SPEG: variants seen among roughly 807,000 people sequenced by gnomAD.
SPEG encodes striated muscle preferentially expressed protein kinase.
Under a neutral mutation model 300.4 loss-of-function variants are expected in SPEG, and 114 were observed. The ratio of observed to expected loss-of-function variants is 0.38; its 90% CI spans 0.33 to 0.44. The LOEUF is 0.44. Ranked by LOEUF, SPEG falls within the 20% of genes least tolerant of loss-of-function variation. The pLI is 1.00. For missense variants in SPEG, 4,201 were observed against 4,586.2 expected (o/e 0.92, Z 2.43); for synonymous variants, 1,964 against 2,018.9 (o/e 0.97, Z 0.73).
At chr2:219,441,321 A>T (rs1319531001) in intron 1 of SPEG, among the ~76,000 whole-genome samples, 1 of 152,136 alleles carries the variant, frequency 6.6e-6, no homozygotes, top group Non-Finnish European at 1.5e-5. Context: ...GTACGGGGGT[A>T]GGGGGCCGCG....
chr2:219,489,599 A>C lies in SPEG; in HGVS notation c.8581A>C (p.Thr2861Pro). ...GCAGGCTGCCCGGCCAGCGGAGCCCACCCTACCCAGTACCCACGTCACCCC... is the reference window on the plus strand; with the variant it reads ...GCAGGCTGCCCGGCCAGCGGAGCCCCCCCTACCCAGTACCCACGTCACCCC... ...GLQAARPAEP[T>P]LPSTHVTPSE... Residue 2861 changes from threonine to proline, a missense_variant, in exon 36 of 41, where the codon ACC (threonine) becomes CCC (proline). This residue lies in a region of SPEG where 1,578 missense variants were observed against 1,506.0 expected (regional missense o/e 1.05). Transcript: ENST00000312358. The C allele has an allele frequency of 6.2e-7, 1 of 1,613,354 alleles. No homozygotes were observed. The highest frequency in any genetic ancestry group is 8.5e-7 in the Non-Finnish European group (1 of 1,179,892).
Position 219,449,211 on chromosome 2 carries a change from C to G in SPEG, c.2053C>G (p.Arg685Gly), listed in dbSNP as rs767316023. 2.7e-4 allele frequency: 376 copies of G among 1,392,218 alleles called. 4 individuals are homozygous for G. The highest frequency in any genetic ancestry group is 4.9e-4 in the Middle Eastern group (2 of 4,060). 86.2% of individuals were successfully genotyped at this position (1,392,218 alleles called of 1,614,324 possible). A position where few individuals can be genotyped will look rare whatever the true frequency, so the allele number is the denominator to read the frequency against. Residue 685 changes from arginine to glycine, a missense_variant, in exon 4 of 41, where the codon CGC becomes GGC. By Grantham distance (125) the Arg-to-Gly change is moderately radical. Coordinates refer to ENST00000312358, the MANE Select transcript of SPEG (RefSeq NM_005876.5). ...GGACGGTCCCTGGGGGCCCTGGGAC[C>G]GCCGAGGGGCCCGCAGCCAGGGCAA... is the stretch of plus-strand genomic sequence containing the variant. ...EEDGPWGPWD[R>G]RGARSQGKGR...
Position 219,444,509 on chromosome 2 carries a change from T to C in SPEG, c.389-144T>C. The C allele has an allele frequency of 1.5e-6, 1 of 678,366 alleles. No individual in the cohort carries two copies. Among genetic ancestry groups the C allele is most frequent in the East Asian group, 2.7e-5 (1 of 37,198 alleles). 42.0% of individuals were successfully genotyped at this position (678,366 alleles called of 1,614,324 possible). On this transcript the variant is annotated intron_variant, in intron 1 of 40. Coordinates refer to ENST00000312358, the MANE Select transcript of SPEG (RefSeq NM_005876.5). The surrounding 1 kb of genome is among the most constrained non-coding windows in gnomAD (Gnocchi z 7.8). ...TGAGCAGCCCAGGCTGGGCAGGGGA[T>C]GTGGGGAGCAAAAGAGAGGAGGTGC... is the stretch of plus-strand genomic sequence containing the variant.
At chr2:219,450,974 G>T (rs1575065219) in intron 4 of SPEG, 162 bp from the exon 5 acceptor site, 5 of 689,654 alleles carry the variant, frequency 7.3e-6, no homozygotes, top group Admixed American at 2.8e-5. Flanking sequence ...TTTTCCCTAA[G>T]GACATTCAGG....
Position 219,492,901 on chromosome 2 carries a change from GCAA to G in SPEG, c.*118_*120del. 1 of 1,054,214 alleles carries G rather than the reference GCAA, an allele frequency of 9.5e-7. No individual in the cohort carries two copies. Among genetic ancestry groups the G allele is most frequent in the South Asian group, 1.4e-5 (1 of 73,982 alleles). The allele number at this position is 1,054,214 out of a possible 1,614,324, so 65.3% of individuals were successfully genotyped here. ...CCTGGGGCTTCGGTTACCACCAGCA[GCAA>G]CATCTGGCTGGGCTCTTACCTCATA... On this transcript the variant is annotated 3_prime_UTR_variant, in exon 41 of 41. Transcript: ENST00000312358.
intron 13 of SPEG, among the ~76,000 whole-genome samples, chr2:219,470,217 AG>A (rs1310951023): frequency 6.6e-6 from 1 of 152,226 alleles, no homozygotes; most frequent in African/African-American, 2.4e-5. Flanking sequence ...GGATACTATT[AG>A]CCCCATTTAC....
chr2:219,488,058 T>C, intron 31 of SPEG, 136 bp from the exon 32 acceptor site: 1 of 655,418 alleles, frequency 1.5e-6, no homozygotes, highest in South Asian at 1.8e-5. Flanking sequence ...GGGTTCCACT[T>C]TCCACATCTG....
chr2:219,448,954 C>G lies in SPEG; in HGVS notation c.1796C>G (p.Thr599Ser). ...AGGCGTCGGGACCAATTCCCGCTGA[C>G]CCGGAGCAGAGCCATCCAGGAGTGC... Reference protein sequence around the residue: ...EVRRRDQFPLTRSRAIQECRS... With the variant: ...EVRRRDQFPLSRSRAIQECRS... Residue 599 changes from threonine to serine, a missense_variant, in exon 4 of 41, where the codon ACC becomes AGC. By Grantham distance (58) the Thr-to-Ser change is moderately conservative. Coordinates refer to ENST00000312358, the MANE Select transcript of SPEG (RefSeq NM_005876.5). The G allele has an allele frequency of 6.6e-7, 1 of 1,508,850 alleles. No homozygotes were observed. Among genetic ancestry groups the G allele is most frequent in the Non-Finnish European group, 8.8e-7 (1 of 1,132,144 alleles). The allele number at this position is 1,508,850 out of a possible 1,614,324, so 93.5% of individuals were successfully genotyped here.
In SPEG at chr2:219,464,511, G is replaced by A; in HGVS notation, c.2784G>A (p.Arg928=). The change falls in exon 9 of 41, where the codon CGG becomes CGA. Residue 928 remains arginine, a synonymous_variant. Coordinates refer to ENST00000312358, the MANE Select transcript of SPEG (RefSeq NM_005876.5). The surrounding 1 kb of genome is among the most constrained non-coding windows in gnomAD (Gnocchi z 4.5). ...EEAEGGLCRL[R]ILAAERGDAG... ...CTGAGGGTGGGCTGTGCCGGCTGCG[G>A]ATCCTGGCTGCAGAGCGTGGCGATG... is the stretch of plus-strand genomic sequence containing the variant. 6.2e-7 allele frequency: 1 copy of A among 1,614,188 alleles called. No individual in the cohort carries two copies. Among genetic ancestry groups the A allele is most frequent in the Non-Finnish European group, 8.5e-7 (1 of 1,180,028 alleles).
Position 219,476,854 on chromosome 2 carries a change from T to C in SPEG, c.4448-16T>C, listed in dbSNP as rs199980798. 15 of 1,602,632 alleles carry C rather than the reference T, an allele frequency of 9.4e-6. No homozygotes were observed. The highest frequency in any genetic ancestry group is 1.7e-4 in the Middle Eastern group (1 of 6,028). ...CTAGCCCCTTCTCTTCCCACCCCTA[T>C]CCCCATGTGTTTCAGAGGCCCCTCG... is the stretch of plus-strand genomic sequence containing the variant. On this transcript the variant is annotated splice_polypyrimidine_tract_variant and intron_variant, in intron 18 of 40. Transcript: ENST00000312358.
Position 219,459,863 on chromosome 2 carries a change from CCCCAGCCCTCCTT to C in SPEG, c.2441-2016_2441-2004del, listed in dbSNP as rs1232677223. Reference sequence around the variant, plus strand: ...ACCGTGGGCCCCTCCTCTGCCCGGCCCCCAGCCCTCCTTCCTTACTGGCCATGCTGGGAAACAC... The same window carrying C: ...ACCGTGGGCCCCTCCTCTGCCCGGCCCCTTACTGGCCATGCTGGGAAACAC... On this transcript the variant is annotated intron_variant, in intron 6 of 40. Coordinates refer to ENST00000312358, the MANE Select transcript of SPEG (RefSeq NM_005876.5). The surrounding 1 kb of genome is among the most constrained non-coding windows in gnomAD (Gnocchi z 4.9). Among the ~76,000 whole-genome samples, 1 of 152,220 alleles carries C rather than the reference CCCCAGCCCTCCTT, an allele frequency of 6.6e-6. No individual in the cohort carries two copies. Among genetic ancestry groups the C allele is most frequent in the African/African-American group, 2.4e-5 (1 of 41,458 alleles).
At position 219,451,503 on chromosome 2, in the gene SPEG, C is replaced by A; in HGVS notation, c.2258-122C>A. On this transcript the variant is annotated intron_variant, in intron 5 of 40. Coordinates refer to ENST00000312358, the MANE Select transcript of SPEG (RefSeq NM_005876.5). This position sits in a 1 kb window ranked among gnomAD's most constrained non-coding sequence, Gnocchi z 6.4. ...TTCCCAAAATGAGGGCGGACTCTTC[C>A]AGATTCCCTGGGGTGCTGAGAGGAG... The A allele has an allele frequency of 8.4e-7, 1 of 1,189,808 alleles. No homozygotes were observed. Among genetic ancestry groups the A allele is most frequent in the Non-Finnish European group, 1.1e-6 (1 of 884,290 alleles). The allele number at this position is 1,189,808 out of a possible 1,614,324, so 73.7% of individuals were successfully genotyped here.
intron 18 of SPEG, chr2:219,474,467 T>G (rs1299507769): frequency 6.6e-6 from 1 of 152,522 alleles, no homozygotes; most frequent in African/African-American, 2.4e-5. Flanking sequence ...ATTTAATGTT[T>G]ACATCAGCCT....
chr2:219,447,931 A>G, intron 3 of SPEG, 43 bp from the exon 4 acceptor site: 1 of 1,572,256 alleles, frequency 6.4e-7, no homozygotes, highest in Non-Finnish European at 8.7e-7. Flanking sequence ...CTAGGAGAGG[A>G]GGCCCCCTGA....
Position 219,483,460 on chromosome 2 carries a change from C to A in SPEG, c.5997C>A (p.Pro1999=). The part of the protein sequence containing the change: ...PEALPSPGQE[P]AAGASPRRGE... ...CCCTCCCCTCCCCAGGCCAGGAGCC[C>A]GCAGCTGGGGCTAGCCCCAGGCGGG... is the stretch of plus-strand genomic sequence containing the variant. Residue 1999 remains proline (P), a synonymous_variant, in exon 30 of 41, where the codon CCC becomes CCA. Transcript: ENST00000312358. The A allele has an allele frequency of 6.7e-7, 1 of 1,502,904 alleles. No homozygotes were observed. The allele number at this position is 1,502,904 out of a possible 1,614,324, so 93.1% of individuals were successfully genotyped here.
rs1447445186 is a variant in SPEG at position 219,458,409 on chromosome 2, T to C, written c.2441-3473T>C. ...GAAATGCAGTTTCTTTTTTTTTTTT[T>C]CCCAATAAGCGTTTTGCACTCTTAA... On this transcript the variant is annotated intron_variant, in intron 6 of 40. Transcript: ENST00000312358. This position sits in a 1 kb window ranked among gnomAD's most constrained non-coding sequence, Gnocchi z 4.2. Among the ~76,000 whole-genome samples the C allele has an allele frequency of 3.3e-5, 5 of 151,638 alleles. No homozygotes were observed. Among genetic ancestry groups the C allele is most frequent in the Admixed American group, 2.0e-4 (3 of 15,264 alleles).
intron 6 of SPEG, among the ~76,000 whole-genome samples, chr2:219,453,039 G>T (rs1056108043): frequency 2.0e-5 from 3 of 152,178 alleles, no homozygotes; most frequent in Admixed American, 1.3e-4. Flanking sequence ...GCTGAATCAT[G>T]CCCGTCCCTC....
rs1412977651 is a variant in SPEG at position 219,480,222 on chromosome 2, T to TTTACCGAGCCTGAATTCCTCC, written c.5342+84_5342+104dup. On this transcript the variant is annotated intron_variant, in intron 25 of 40. Transcript: ENST00000312358. This position sits in a 1 kb window ranked among gnomAD's most constrained non-coding sequence, Gnocchi z 5.3. ...GGGGACGCGCTCACTGGCAGGGAGA[T>TTTACCGAGCCTGAATTCCTCC]TTACCGAGCCTGAATTCCTCCTGAA... 32 of 1,458,742 alleles carry TTTACCGAGCCTGAATTCCTCC rather than the reference T, an allele frequency of 2.2e-5. No individual in the cohort carries two copies. The highest frequency in any genetic ancestry group is 2.2e-4 in the Admixed American group (12 of 55,628). 90.4% of individuals were successfully genotyped at this position (1,458,742 alleles called of 1,614,324 possible).
Position 219,443,750 on chromosome 2 carries a change from GTGTGTGTGTGTGCA to G in SPEG, c.389-890_389-877del, listed in dbSNP as rs1689085021. 8.4e-6 allele frequency: 3 copies of G among 356,348 alleles called. No individual in the cohort carries two copies. The highest frequency in any genetic ancestry group is 1.7e-5 in the Non-Finnish European group (3 of 179,648). 22.1% of individuals were successfully genotyped at this position (356,348 alleles called of 1,614,324 possible). On this transcript the variant is annotated intron_variant, in intron 1 of 40. Transcript: ENST00000312358. The surrounding 1 kb of genome is among the most constrained non-coding windows in gnomAD (Gnocchi z 4.6). ...CTGGACTGGACACAAGCAGGTGTGT[GTGTGTGTGTGTGCA>G]TGTGTGTGTGTGGCCAGTGGCAGCA... is the stretch of plus-strand genomic sequence containing the variant.
Sources: allele counts gnomAD v4.1 joint callset (sites outside exome capture counted in the v4.1 genomes callset), GRCh38; gene constraint gnomAD v4.1.1; regional missense constraint gnomAD v4.1.1; non-coding constraint Gnocchi (gnomAD v3.1); transcripts MANE v1.5; gene names NCBI Gene and HGNC (gene_info 2026-07-23, HGNC 2026-07-21).